The following FHIT variants were observed in gnomAD, a reference collection of about 807,000 sequenced individuals.
FHIT encodes the protein bis(5'-adenosyl)-triphosphatase.
FHIT carries 19 observed loss-of-function variants against 17.9 expected under a neutral mutation model. That is an observed-to-expected ratio of 1.06 (90% CI 0.74 to 1.56). The LOEUF is 1.56. FHIT is among the 40% of genes most tolerant of loss of function. FHIT has a pLI of 0.00. For missense variants in FHIT, 248 were observed against 189.2 expected, an observed-to-expected ratio of 1.31 and a Z score of -1.82; for synonymous variants, 81 against 69.7, an observed-to-expected ratio of 1.16 and a Z score of -0.81.
intron 5 of FHIT, among the ~76,000 whole-genome samples, chr3:60,465,282 A>C: frequency 6.6e-6 from 1 of 152,088 alleles, no homozygotes; most frequent in East Asian, 1.9e-4. Flanking sequence ...ACCCCTTGTC[A>C]GATGAATAGT....
chr3:60,536,904 T>C lies in FHIT; in HGVS notation c.59A>G (p.Glu20Gly). Residue 20 changes from glutamate to glycine, a missense_variant, in exon 5 of 10, where the codon GAA (glutamate) becomes GGA (glycine). Glu to Gly is a moderately conservative substitution (Grantham distance 98, BLOSUM62 -2). Coordinates refer to ENST00000492590, the MANE Select transcript of FHIT (RefSeq NM_002012.4). ...IKPSVVFLKT[E>G]LSFALVNRKP... ...CCTATTCACAAGAGCGAAGGACAGT[T>C]CTGTTTTGAGAAACACTACAGAGGG... 2 of 1,613,570 alleles carry C rather than the reference T, an allele frequency of 1.2e-6. No homozygotes were observed. Among genetic ancestry groups the C allele is most frequent in the African/African-American group, 2.7e-5 (2 of 74,974 alleles).
At chr3:60,501,507 T>G (rs923225631) in intron 5 of FHIT, among the ~76,000 whole-genome samples, 1 of 152,214 alleles carries the variant, frequency 6.6e-6, no homozygotes, top group Admixed American at 6.5e-5. Flanking sequence ...TCTAAGCTAA[T>G]GCCTCTCACA....
chr3:60,517,151 G>C (rs775176717), intron 5 of FHIT, among the ~76,000 whole-genome samples: 1 of 152,092 alleles, frequency 6.6e-6, no homozygotes, highest in Non-Finnish European at 1.5e-5. Context: ...AGTTATAAAG[G>C]CTCAAGAGTT....
At chr3:60,343,848 A>C (rs1576507105) in intron 5 of FHIT, among the ~76,000 whole-genome samples, 2 of 152,166 alleles carry the variant, frequency 1.3e-5, no homozygotes, top group African/African-American at 4.8e-5. Flanking sequence ...CTTCTTTCCC[A>C]ACAGTGGTGG....
chr3:60,376,039 G>A (rs899169823), intron 5 of FHIT, among the ~76,000 whole-genome samples: 1 of 152,188 alleles, frequency 6.6e-6, no homozygotes, highest in Non-Finnish European at 1.5e-5. Context: ...TGCAGAAGCA[G>A]AAGAAGACAG....
chr3:60,050,724 T>C (rs1184833452), intron 5 of FHIT, among the ~76,000 whole-genome samples: 3 of 152,186 alleles, frequency 2.0e-5, no homozygotes, highest in African/African-American at 7.2e-5. Context: ...GGTTATCTCA[T>C]ATTCTCAACT....
At chr3:60,999,882 C>T (rs1190184574) in intron 3 of FHIT, among the ~76,000 whole-genome samples, 1 of 152,130 alleles carries the variant, frequency 6.6e-6, no homozygotes. Flanking sequence ...GATTTGATGT[C>T]TGGTGAGGGC....
At chr3:60,236,134 A>G (rs1478709978) in intron 5 of FHIT, among the ~76,000 whole-genome samples, 1 of 151,962 alleles carries the variant, frequency 6.6e-6, no homozygotes, top group East Asian at 1.9e-4. Context: ...TCTTTCAGAA[A>G]GCCTTCCATT....
At chr3:60,912,934 G>A (rs1553766280) in intron 3 of FHIT, among the ~76,000 whole-genome samples, 1 of 152,104 alleles carries the variant, frequency 6.6e-6, no homozygotes, top group African/African-American at 2.4e-5. Context: ...TTTTTCTTAT[G>A]TTAATCTGTC....
chr3:60,085,865 C>T (rs974493380), intron 5 of FHIT, among the ~76,000 whole-genome samples: 1 of 152,212 alleles, frequency 6.6e-6, no homozygotes, highest in African/African-American at 2.4e-5. Flanking sequence ...AAGTCCCTCA[C>T]ACACAGTCAG....
In FHIT at chr3:61,134,666, G is replaced by C. The variant is rs2106968668; in HGVS notation, c.-164+65951C>G. Among the ~76,000 whole-genome samples the C allele has an allele frequency of 2.0e-5, 3 of 152,246 alleles. No individual in the cohort carries two copies. In the South Asian group the frequency reaches 6.2e-4, roughly 32 times the overall value. The stretch of plus-strand genomic sequence containing the variant: ...AACCTGAGACAAGGACTTAGGTGCA[G>C]GAGTTTATGTGAGAGATGACTCCAG... On this transcript the variant is annotated intron_variant, in intron 2 of 9. Coordinates refer to ENST00000492590, the MANE Select transcript of FHIT (RefSeq NM_002012.4).
At chr3:61,188,626 C>T (rs909903294) in intron 2 of FHIT, among the ~76,000 whole-genome samples, 1 of 151,306 alleles carries the variant, frequency 6.6e-6, no homozygotes, top group African/African-American at 2.4e-5. Context: ...AGAGACACAA[C>T]AAAAAAAGAG....
intron 5 of FHIT, among the ~76,000 whole-genome samples, chr3:60,152,635 T>C (rs2107335991): frequency 6.6e-6 from 1 of 152,214 alleles, no homozygotes; most frequent in Middle Eastern, 3.4e-3. Flanking sequence ...GGAAAACATG[T>C]TTTGAAAAGT....
At chr3:60,047,123 T>A (rs997048081) in intron 5 of FHIT, among the ~76,000 whole-genome samples, 1 of 152,360 alleles carries the variant, frequency 6.6e-6, no homozygotes, top group East Asian at 1.9e-4. Context: ...GCAAGCATAC[T>A]GCCGTAATGT....
intron 4 of FHIT, among the ~76,000 whole-genome samples, chr3:60,772,484 A>G (rs1700078670): frequency 3.9e-5 from 6 of 152,142 alleles, no homozygotes; most frequent in Admixed American, 3.9e-4. Context: ...TAAATGTTGT[A>G]TCAATGAGAA....
At chr3:60,206,327 C>A (rs985126148) in intron 5 of FHIT, among the ~76,000 whole-genome samples, 1 of 152,008 alleles carries the variant, frequency 6.6e-6, no homozygotes, top group Non-Finnish European at 1.5e-5. Flanking sequence ...CATAGTCCAA[C>A]ACACCCTATG....
chr3:61,044,628 G>C (rs1575902515), intron 2 of FHIT, among the ~76,000 whole-genome samples: 1 of 152,064 alleles, frequency 6.6e-6, no homozygotes, highest in Admixed American at 6.6e-5. Flanking sequence ...AGGAAATACA[G>C]AGACGCCACA....
At chr3:61,029,346 A>G (rs1039403268) in intron 3 of FHIT, among the ~76,000 whole-genome samples, 2 of 152,244 alleles carry the variant, frequency 1.3e-5, no homozygotes, top group Non-Finnish European at 1.5e-5. Context: ...CGTATGAACA[A>G]GATTTAAACT....
chr3:60,165,797 G>A (rs1471280166), intron 5 of FHIT, among the ~76,000 whole-genome samples: 1 of 152,048 alleles, frequency 6.6e-6, no homozygotes, highest in Admixed American at 6.6e-5. Context: ...CAATACAGAA[G>A]AGTATAACGG....
Sources: gnomAD v4.1 joint callset for allele counts (sites outside exome capture counted in the v4.1 genomes callset) on GRCh38, gnomAD v4.1.1 for gene constraint, MANE v1.5 for transcripts, NCBI Gene and HGNC (gene_info 2026-07-23, HGNC 2026-07-21) for gene names.